TES: variants seen among roughly 807,000 people sequenced by gnomAD.
TES encodes the protein testin LIM domain protein, also known as testin.
Under a neutral mutation model 48.2 loss-of-function variants are expected in TES, and 41 were observed. The observed-to-expected ratio is 0.85, with a 90% CI of 0.66 to 1.10. TES has a LOEUF of 1.10. Ranked by LOEUF, TES falls within the 50% of genes least tolerant of loss-of-function variation. The probability of loss-of-function intolerance (pLI) is 0.00; values close to 1 mark genes in which losing one functional copy is unlikely to be tolerated. For missense variants in TES, 463 were observed against 515.1 expected, an observed-to-expected ratio of 0.90 and a Z score of 0.98; for synonymous variants, 162 against 174.9, an observed-to-expected ratio of 0.93 and a Z score of 0.58.
chr7:116,229,466 G>T (rs1314005624), intron 1 of TES, among the ~76,000 whole-genome samples: 1 of 152,174 alleles, frequency 6.6e-6, no homozygotes, highest in East Asian at 1.9e-4. Context: ...GTGAATAATG[G>T]AGAGAAATTA....
At chr7:116,238,357 A>G (rs1799800277) in intron 2 of TES, 1 of 152,212 alleles carries the variant, frequency 6.6e-6, no homozygotes, top group South Asian at 2.1e-4. Flanking sequence ...TTAGGAATTT[A>G]GAGTGAACTT....
At chr7:116,253,390 T>C (rs1343730871) in intron 6 of TES, among the ~76,000 whole-genome samples, 2 of 152,192 alleles carry the variant, frequency 1.3e-5, no homozygotes, top group Non-Finnish European at 2.9e-5. Context: ...ATATTTCACA[T>C]TCTTATAATT....
chr7:116,222,908 C>A, intron 1 of TES: 1 of 906,890 alleles, frequency 1.1e-6, no homozygotes, highest in Non-Finnish European at 1.3e-6. Context: ...ATTTCAGCTG[C>A]AGTCATTGCT....
chr7:116,219,103 G>T lies in TES; in HGVS notation c.27+8369G>T, dbSNP rs151149720. Among the ~76,000 whole-genome samples the T allele has an allele frequency of 4.4e-3, 664 of 152,174 alleles. 1 individual carries two copies. Among genetic ancestry groups the T allele is most frequent in the African/African-American group, 0.015 (641 of 41,534 alleles). Reference sequence around the variant, plus strand: ...GAAGCAGAAGTAACTAACTTTAATTGTGTGGGTTGCGATTATTTTATCAAG... The same window carrying T: ...GAAGCAGAAGTAACTAACTTTAATTTTGTGGGTTGCGATTATTTTATCAAG... On this transcript the variant is annotated intron_variant, in intron 1 of 6. Transcript: ENST00000358204.
At chr7:116,219,063 T>G (rs568407125) in intron 1 of TES, among the ~76,000 whole-genome samples, 1 of 152,204 alleles carries the variant, frequency 6.6e-6, no homozygotes, top group Non-Finnish European at 1.5e-5. Flanking sequence ...TACAAACAAC[T>G]GTTATGAAGT....
At chr7:116,250,891 G>A (rs763036743) in intron 4 of TES, among the ~76,000 whole-genome samples, 11 of 152,132 alleles carry the variant, frequency 7.2e-5, no homozygotes, top group Non-Finnish European at 1.2e-4. Flanking sequence ...TTGTGAGAAC[G>A]TGCCTAAAAT....
chr7:116,233,044 A>G lies in TES; in HGVS notation c.28-1490A>G, dbSNP rs972919350. ...CTGATCTTTCAAGGAACCAGTTACA[A>G]TGTGGTTTTGATTGCATAGTGACAA... On this transcript the variant is annotated intron_variant, in intron 1 of 6. Transcript: ENST00000358204. Among the ~76,000 whole-genome samples, 5 of 152,218 alleles carry G rather than the reference A, an allele frequency of 3.3e-5. No homozygotes were observed. The East Asian group carries it at 7.7e-4, about 23-fold the overall frequency.
At position 116,210,726 on chromosome 7, in the gene TES, G is replaced by T; in HGVS notation, c.19G>T (p.Val7Leu). The change falls in exon 1 of 7, where the codon GTG (valine) becomes TTG (leucine). Residue 7 changes from valine (V) to leucine (L), a missense_variant. Val to Leu is a conservative substitution (Grantham distance 32). Transcript: ENST00000358204. The part of the protein sequence containing the change: MDLENK[V>L]KKMGLGHEQG... ...CGTTAACATGGACCTGGAAAACAAAGTGAAGAAGGTAGGGGGGCGCTCGTG... is the reference window on the plus strand; with the variant it reads ...CGTTAACATGGACCTGGAAAACAAATTGAAGAAGGTAGGGGGGCGCTCGTG... The T allele has an allele frequency of 8.0e-7, 1 of 1,254,056 alleles. No individual in the cohort carries two copies. Among genetic ancestry groups the T allele is most frequent in the Non-Finnish European group, 1.0e-6 (1 of 989,236 alleles). 77.7% of individuals were successfully genotyped at this position (1,254,056 alleles called of 1,614,324 possible). A position where few individuals can be genotyped will look rare whatever the true frequency, so the allele number is the denominator to read the frequency against.
chr7:116,248,340 A>T (rs1345482122), intron 2 of TES, among the ~76,000 whole-genome samples: 1 of 152,188 alleles, frequency 6.6e-6, no homozygotes, highest in African/African-American at 2.4e-5. Context: ...GCTGGGTTGA[A>T]TGATAGTTCT....
chr7:116,235,520 CA>C (rs1799759244), intron 2 of TES, among the ~76,000 whole-genome samples: 1 of 152,040 alleles, frequency 6.6e-6, no homozygotes, highest in African/African-American at 2.4e-5. Flanking sequence ...GTTAGTGAGT[CA>C]AAAATGTGAA....
At chr7:116,242,076 T>C (rs569207834) in intron 2 of TES, among the ~76,000 whole-genome samples, 2 of 152,286 alleles carry the variant, frequency 1.3e-5, no homozygotes, top group South Asian at 2.1e-4. Context: ...GTGTAGAACA[T>C]AGATTGTAAA....
intron 2 of TES, 63 bp downstream of exon 2, chr7:116,234,682 A>G (rs1799743734): frequency 7.4e-7 from 1 of 1,351,408 alleles, no homozygotes; most frequent in Non-Finnish European, 1.1e-6. Context: ...TTCCTCAGAC[A>G]GTGGAGATAT....
At chr7:116,232,212 TAA>T (rs773545635) in intron 1 of TES, among the ~76,000 whole-genome samples, 1 of 152,212 alleles carries the variant, frequency 6.6e-6, no homozygotes, top group Non-Finnish European at 1.5e-5. Flanking sequence ...TGCAAGAATT[TAA>T]GTGGCCATTT....
At chr7:116,231,240 A>C (rs1294703713) in intron 1 of TES, among the ~76,000 whole-genome samples, 1 of 152,218 alleles carries the variant, frequency 6.6e-6, no homozygotes, top group Non-Finnish European at 1.5e-5. Flanking sequence ...TCCTGTCCAG[A>C]ATAAGAATAT....
At chr7:116,222,951 A>G in intron 1 of TES, 3 of 984,392 alleles carry the variant, frequency 3.0e-6, no homozygotes, top group Middle Eastern at 5.2e-4. Flanking sequence ...TTATAGCCCT[A>G]CATTGTCTTT....
At chr7:116,248,841 G>A (rs1262691972) in intron 2 of TES, among the ~76,000 whole-genome samples, 179 bp from the exon 3 acceptor site, 2 of 152,028 alleles carry the variant, frequency 1.3e-5, no homozygotes, top group African/African-American at 4.8e-5. Context: ...AAGCAAAGTC[G>A]TGTTTTGTTT....
chr7:116,251,958 T>C lies in TES; in HGVS notation c.901T>C (p.Cys301Arg). The change falls in exon 5 of 7, where the codon TGT (cysteine) becomes CGT (arginine). Residue 301 changes from cysteine (C) to arginine (R), a missense_variant. Cys to Arg is a radical substitution (Grantham distance 180). Transcript: ENST00000358204. ...RHYCDSEKPRCAGCDELIFSN... is the reference protein window; with the variant it reads ...RHYCDSEKPRRAGCDELIFSN... ...TTACTGTGACAGCGAGAAACCCCGATGTGCTGGCTGTGACGAGGTATGTTC... is the reference window on the plus strand; with the variant it reads ...TTACTGTGACAGCGAGAAACCCCGACGTGCTGGCTGTGACGAGGTATGTTC... The C allele has an allele frequency of 1.2e-6, 2 of 1,614,176 alleles. No individual in the cohort carries two copies. The highest frequency in any genetic ancestry group is 1.7e-6 in the Non-Finnish European group (2 of 1,180,022).
At chr7:116,234,814 A>G (rs1010274776) in intron 2 of TES, among the ~76,000 whole-genome samples, 195 bp downstream of exon 2, 8 of 152,278 alleles carry the variant, frequency 5.3e-5, no homozygotes, top group Non-Finnish European at 8.8e-5. Flanking sequence ...GAATTGGACC[A>G]TAATAACTAT....
chr7:116,240,463 C>G (rs1182371864), intron 2 of TES, among the ~76,000 whole-genome samples: 2 of 151,996 alleles, frequency 1.3e-5, no homozygotes, highest in Non-Finnish European at 2.9e-5. Context: ...TTCTCTCTCT[C>G]TCACTCCTTC....
Sources: gnomAD v4.1 joint callset for allele counts (sites outside exome capture counted in the v4.1 genomes callset) on GRCh38, gnomAD v4.1.1 for gene constraint, MANE v1.5 for transcripts, NCBI Gene and HGNC (gene_info 2026-07-23, HGNC 2026-07-21) for gene names.